Variants in FSTL5 observed in about 807,000 individuals in gnomAD.
FSTL5 encodes the protein follistatin-related protein 5.
A neutral mutation model predicts 89.1 loss-of-function variants in FSTL5; 62 were observed. That is an observed-to-expected ratio of 0.70 (90% CI 0.57 to 0.86). The LOEUF (loss-of-function observed/expected upper bound fraction) is 0.86. Among genes scored for constraint, FSTL5 ranks in the 40% least tolerant of loss-of-function variants. The pLI is 0.00. For missense variants in FSTL5, 1,057 were observed against 1,001.6 expected (o/e 1.06, Z -0.75); for synonymous variants, 383 against 346.2 (o/e 1.11, Z -1.18).
At chr4:162,055,538 GATA>G (rs1738514144) in intron 2 of FSTL5, among the ~76,000 whole-genome samples, 2 of 151,048 alleles carry the variant, frequency 1.3e-5, no homozygotes, top group Non-Finnish European at 3.0e-5. Context: ...TAGATAGATA[GATA>G]GATAGATAGA....
intron 4 of FSTL5, among the ~76,000 whole-genome samples, chr4:161,858,033 T>A (rs1395068010): frequency 6.6e-6 from 1 of 152,170 alleles, no homozygotes; most frequent in Non-Finnish European, 1.5e-5. Context: ...GTTGAAAGCC[T>A]AACCATAAAG....
At chr4:161,450,740 CAT>C (rs1491335719) in intron 15 of FSTL5, among the ~76,000 whole-genome samples, 8 of 143,052 alleles carry the variant, frequency 5.6e-5, no homozygotes, top group African/African-American at 2.1e-4. Context: ...CATTCATCTT[CAT>C]TTTTTTTTTT....
chr4:161,876,389 G>C (rs2126905574), intron 4 of FSTL5, among the ~76,000 whole-genome samples: 1 of 152,284 alleles, frequency 6.6e-6, no homozygotes, highest in East Asian at 1.9e-4. Context: ...AAAATTTCAA[G>C]TGATTATTAG....
At position 162,066,396 on chromosome 4, in the gene FSTL5, C is replaced by CT. The variant is rs538954980; in HGVS notation, c.127-32739dup. Among the ~76,000 whole-genome samples, 690 of 79,920 alleles carry CT rather than the reference C, an allele frequency of 8.6e-3. 15 individuals carry two copies. Among genetic ancestry groups the CT allele is most frequent in the South Asian group, 0.016 (39 of 2,470 alleles). The allele number at this position is 79,920 out of a possible 152,430, so 52.4% of individuals were successfully genotyped here. On this transcript the variant is annotated intron_variant, in intron 2 of 15. Transcript: ENST00000306100. The stretch of plus-strand genomic sequence containing the variant: ...CTCCTTCTTCTTCTTCTTCATTTTC[C>CT]TTTTTTTTTTCAGTTTTTCACCTTT...
At chr4:161,479,353 A>G (rs1397779616) in intron 13 of FSTL5, among the ~76,000 whole-genome samples, 1 of 152,150 alleles carries the variant, frequency 6.6e-6, no homozygotes, top group African/African-American at 2.4e-5. Flanking sequence ...TGAAGGTGGA[A>G]TTATATGAAT....
intron 3 of FSTL5, among the ~76,000 whole-genome samples, chr4:162,026,304 C>CTTTTTTATTTTTTTTTTTTTTTT (rs1737282272): frequency 2.5e-5 from 2 of 79,474 alleles, no homozygotes; most frequent in Admixed American, 2.2e-4. Context: ...TATGTATTTT[C>CTTTTTTATTTTTTTTTTTTTTTT]TTTTTTTTTT....
At chr4:162,126,538 C>T (rs184474910) in intron 1 of FSTL5, among the ~76,000 whole-genome samples, 1 of 151,856 alleles carries the variant, frequency 6.6e-6, no homozygotes, top group African/African-American at 2.4e-5. Context: ...ATGAAATTTC[C>T]AGTAGTATTT....
intron 4 of FSTL5, among the ~76,000 whole-genome samples, chr4:161,783,523 T>G (rs529755209): frequency 6.6e-6 from 1 of 150,452 alleles, no homozygotes; most frequent in Non-Finnish European, 1.5e-5. Context: ...CATTATGTCT[T>G]CTTTCTTTCT....
At chr4:161,503,259 T>C (rs905740608) in intron 11 of FSTL5, among the ~76,000 whole-genome samples, 5 of 151,834 alleles carry the variant, frequency 3.3e-5, no homozygotes, top group African/African-American at 7.2e-5. Flanking sequence ...TATTTATTTA[T>C]GTTTTGCAGG....
intron 7 of FSTL5, among the ~76,000 whole-genome samples, chr4:161,622,964 A>G (rs1235417268): frequency 1.3e-5 from 2 of 152,138 alleles, no homozygotes; most frequent in Non-Finnish European, 1.5e-5. Context: ...ATTTTTATCC[A>G]GGAAGCCAAG....
At chr4:162,108,442 G>C (rs942929479) in intron 2 of FSTL5, among the ~76,000 whole-genome samples, 2 of 151,880 alleles carry the variant, frequency 1.3e-5, no homozygotes, top group African/African-American at 2.4e-5. Context: ...CAGATTCAAA[G>C]TACTTACATT....
intron 1 of FSTL5, among the ~76,000 whole-genome samples, chr4:162,121,911 A>C (rs1731877639): frequency 6.6e-6 from 1 of 152,096 alleles, no homozygotes; most frequent in Non-Finnish European, 1.5e-5. Flanking sequence ...CTTAATGAAT[A>C]GTAAATATAT....
chr4:161,489,016 T>C (rs1344255726), intron 12 of FSTL5, among the ~76,000 whole-genome samples: 1 of 152,164 alleles, frequency 6.6e-6, no homozygotes, highest in East Asian at 1.9e-4. Flanking sequence ...TGTCAATTTT[T>C]TTGATGAAAA....
At chr4:161,946,955 T>C (rs1734752727) in intron 3 of FSTL5, among the ~76,000 whole-genome samples, 1 of 152,212 alleles carries the variant, frequency 6.6e-6, no homozygotes, top group South Asian at 2.1e-4. Flanking sequence ...GTGTTAATTT[T>C]AATTTTCCTG....
chr4:162,044,776 C>G (rs556648562), intron 2 of FSTL5, among the ~76,000 whole-genome samples: 2 of 152,310 alleles, frequency 1.3e-5, no homozygotes, highest in South Asian at 4.1e-4. Flanking sequence ...GCCTTGCACT[C>G]TTATATTATA....
intron 6 of FSTL5, among the ~76,000 whole-genome samples, chr4:161,666,632 C>T (rs549161927): frequency 1.3e-5 from 2 of 152,140 alleles, no homozygotes; most frequent in East Asian, 3.9e-4. Context: ...TTTTTTAAGA[C>T]ACCTTTAATA....
intron 7 of FSTL5, among the ~76,000 whole-genome samples, chr4:161,620,134 A>C (rs550457508): frequency 1.4e-5 from 2 of 145,152 alleles, no homozygotes; most frequent in Admixed American, 1.4e-4. Flanking sequence ...GTGGGAATTG[A>C]ACAATGAGAT....
chr4:161,637,895 T>C (rs1411598636), intron 7 of FSTL5, among the ~76,000 whole-genome samples: 2 of 135,058 alleles, frequency 1.5e-5, no homozygotes, highest in South Asian at 2.7e-4. Flanking sequence ...AGTCAGGTAG[T>C]GTGATGCCTC....
chr4:161,976,705 T>C (rs1464801268), intron 3 of FSTL5, among the ~76,000 whole-genome samples: 3 of 152,070 alleles, frequency 2.0e-5, no homozygotes. Flanking sequence ...ATGGTCCTGA[T>C]CTCCTGACCT....
Sources: allele counts gnomAD v4.1 joint callset (sites outside exome capture counted in the v4.1 genomes callset), GRCh38; gene constraint gnomAD v4.1.1; transcripts MANE v1.5; gene names NCBI Gene and HGNC (gene_info 2026-07-23, HGNC 2026-07-21).